The following NPAT variants were observed in gnomAD, a reference collection of about 807,000 sequenced individuals.
NPAT encodes the protein nuclear protein, coactivator of histone transcription.
In NPAT, 52 loss-of-function variants were observed where a neutral mutation model predicts 130.7. The ratio of observed to expected loss-of-function variants is 0.40; its 90% confidence interval spans 0.32 to 0.50. The LOEUF is 0.50. NPAT is among the 20% of genes least tolerant of loss of function. The pLI is 0.68. For missense variants in NPAT, 1,687 were observed against 1,662.6 expected, an observed-to-expected ratio of 1.01 and a Z score of -0.26; for synonymous variants, 580 against 584.8, an observed-to-expected ratio of 0.99 and a Z score of 0.12.
Position 108,161,819 on chromosome 11 carries a change from T to C in NPAT, c.3267A>G (p.Glu1089=). The change falls in exon 17 of 18, where the codon GAA becomes GAG. Residue 1089 remains glutamate, a synonymous_variant. Transcript: ENST00000278612. ...GATTAGGAAAAGAGACTGCATTCCTTTCTTTGTTTTGGGACACCATCTTAT... is the reference window on the plus strand; with the variant it reads ...GATTAGGAAAAGAGACTGCATTCCTCTCTTTGTTTTGGGACACCATCTTAT... ...PNHKMVSQNK[E]RNAVSFPNLD... is the part of the protein sequence containing the mutation. The C allele has an allele frequency of 6.2e-7, 1 of 1,614,096 alleles. No individual in the cohort carries two copies. The highest frequency in any genetic ancestry group is 1.3e-5 in the African/African-American group (1 of 75,044).
At chr11:108,217,452 T>C (rs1224590812) in intron 1 of NPAT, among the ~76,000 whole-genome samples, 1 of 152,192 alleles carries the variant, frequency 6.6e-6, no homozygotes. Flanking sequence ...TTCTTGTATA[T>C]ATCAGTTAGC....
intron 4 of NPAT, among the ~76,000 whole-genome samples, chr11:108,190,972 G>A (rs944228142): frequency 1.3e-5 from 2 of 152,180 alleles, no homozygotes; most frequent in Non-Finnish European, 2.9e-5. Flanking sequence ...GGGAGGCTGA[G>A]GTGGGAGAAA....
At chr11:108,167,275 A>T (rs926162956) in intron 15 of NPAT, among the ~76,000 whole-genome samples, 1 of 152,202 alleles carries the variant, frequency 6.6e-6, no homozygotes, top group Non-Finnish European at 1.5e-5. Context: ...CAGTGGCATG[A>T]TCATGGCTTA....
rs1218301031 is a variant in NPAT, at chr11:108,158,320, G to A, written c.*622C>T. The A allele has an allele frequency of 6.6e-6, 1 of 152,478 alleles. No homozygotes were observed. The highest frequency in any genetic ancestry group is 6.5e-5 in the Admixed American group (1 of 15,274). The allele number at this position is 152,478 out of a possible 1,614,324, so 9.4% of individuals were successfully genotyped here. On this transcript the variant is annotated 3_prime_UTR_variant, in exon 18 of 18. Coordinates refer to ENST00000278612, the MANE Select transcript of NPAT (RefSeq NM_002519.3). ...TAAAACAAAGAGAACAGAGTGATCAGAGTAGGTAAAGTGTGAAATTCCAGA... is the reference window on the plus strand; with the variant it reads ...TAAAACAAAGAGAACAGAGTGATCAAAGTAGGTAAAGTGTGAAATTCCAGA...
At chr11:108,172,105 CA>C (rs1472603856) in intron 13 of NPAT, 93 bp downstream of exon 13, 1 of 1,020,420 alleles carries the variant, frequency 9.8e-7, no homozygotes, top group African/African-American at 1.6e-5. Flanking sequence ...ACCATCTACT[CA>C]TTAGTTATTA....
intron 3 of NPAT, among the ~76,000 whole-genome samples, chr11:108,193,435 C>T (rs1180074708): frequency 2.0e-5 from 3 of 152,038 alleles, no homozygotes; most frequent in Non-Finnish European, 2.9e-5. Flanking sequence ...AATGTAAACA[C>T]AAACAAATGG....
At chr11:108,190,574 C>G in intron 4 of NPAT, 74 bp from the exon 5 acceptor site, 2 of 1,351,208 alleles carry the variant, frequency 1.5e-6, no homozygotes, top group Non-Finnish European at 2.1e-6. Flanking sequence ...TAGTTACAGT[C>G]AGACCTCAAG....
At chr11:108,194,404 T>A (rs916549689) in intron 2 of NPAT, among the ~76,000 whole-genome samples, 18 of 152,246 alleles carry the variant, frequency 1.2e-4, no homozygotes, top group African/African-American at 4.3e-4. Flanking sequence ...CTGGTTTCAT[T>A]ATTATGTTTA....
At chr11:108,206,605 C>A (rs1164036717) in intron 1 of NPAT, among the ~76,000 whole-genome samples, 2 of 152,136 alleles carry the variant, frequency 1.3e-5, no homozygotes, top group African/African-American at 4.8e-5. Context: ...GGTGTCACAA[C>A]CCTGGTTTGG....
At chr11:108,180,195 C>T (rs1051851545) in intron 10 of NPAT, among the ~76,000 whole-genome samples, 4 of 152,110 alleles carry the variant, frequency 2.6e-5, no homozygotes, top group African/African-American at 9.7e-5. Flanking sequence ...GGCATGGTGA[C>T]ACACACCTGT....
chr11:108,182,806 C>T (rs1591397208), intron 10 of NPAT, among the ~76,000 whole-genome samples: 2 of 152,370 alleles, frequency 1.3e-5, no homozygotes, highest in Non-Finnish European at 2.9e-5. Context: ...TAATTCTTAA[C>T]TTTCTACGAA....
At chr11:108,168,038 A>G (rs1591386982) in intron 15 of NPAT, among the ~76,000 whole-genome samples, 2 of 152,220 alleles carry the variant, frequency 1.3e-5, no homozygotes, top group Admixed American at 1.3e-4. Flanking sequence ...CATAGTGGCA[A>G]AAGTTAAAAT....
At chr11:108,216,251 G>A (rs2078434743) in intron 1 of NPAT, among the ~76,000 whole-genome samples, 1 of 152,120 alleles carries the variant, frequency 6.6e-6, no homozygotes, top group African/African-American at 2.4e-5. Flanking sequence ...GGGGACTTCT[G>A]ATAGACGGTG....
chr11:108,165,932 C>A (rs1242238025), intron 15 of NPAT, among the ~76,000 whole-genome samples: 8 of 128,280 alleles, frequency 6.2e-5, no homozygotes, highest in Non-Finnish European at 1.3e-4. Flanking sequence ...CACGCCCAGC[C>A]CATACCTGGC....
chr11:108,162,253 A>G, intron 15 of NPAT, 73 bp from the exon 16 acceptor site: 1 of 1,362,852 alleles, frequency 7.3e-7, no homozygotes, highest in Non-Finnish European at 1.0e-6. Context: ...GATGACAATT[A>G]TCACATATCA....
chr11:108,210,888 A>G (rs1046973228), intron 1 of NPAT, among the ~76,000 whole-genome samples: 11 of 152,198 alleles, frequency 7.2e-5, no homozygotes, highest in African/African-American at 2.4e-4. Context: ...AAAACAAGAG[A>G]AAGACATCAC....
chr11:108,197,186 TA>T, intron 2 of NPAT, 115 bp downstream of exon 2: 1 of 794,132 alleles, frequency 1.3e-6, no homozygotes, highest in Non-Finnish European at 2.2e-6. Flanking sequence ...TGCATGAATA[TA>T]AACCACCAAA....
In NPAT at chr11:108,186,508, C is replaced by G; in HGVS notation, c.700G>C (p.Asp234His). The change falls in exon 8 of 18, where the codon GAT (aspartate) becomes CAT (histidine). Residue 234 changes from aspartate (D) to histidine (H), a missense_variant. By Grantham distance (81) the Asp-to-His change is moderately conservative. This residue lies in a region of NPAT where 307 missense variants were observed against 298.9 expected (regional missense o/e 1.03). Coordinates refer to ENST00000278612, the MANE Select transcript of NPAT (RefSeq NM_002519.3). The part of the protein sequence containing the change: ...GPHSTIRNFQ[D>H]PNAFAVEKQM... ...TTTTCTACTGCAAAAGCGTTTGGATCTTGGAAATTCCGTATTGTTGAATGA... is the reference window on the plus strand; with the variant it reads ...TTTTCTACTGCAAAAGCGTTTGGATGTTGGAAATTCCGTATTGTTGAATGA... 6.2e-7 allele frequency: 1 copy of G among 1,614,028 alleles called. No individual in the cohort carries two copies. The highest frequency in any genetic ancestry group is 8.5e-7 in the Non-Finnish European group (1 of 1,179,974).
chr11:108,163,614 T>C (rs1419429837), intron 15 of NPAT, among the ~76,000 whole-genome samples: 1 of 152,146 alleles, frequency 6.6e-6, no homozygotes. Context: ...GGAAAAACAC[T>C]AGGCAGAAGA....
Sources: allele counts gnomAD v4.1 joint callset (sites outside exome capture counted in the v4.1 genomes callset), GRCh38; gene constraint gnomAD v4.1.1; regional missense constraint gnomAD v4.1.1; transcripts MANE v1.5; gene names NCBI Gene and HGNC (gene_info 2026-07-23, HGNC 2026-07-21).